Variants in ABCG8 observed in about 807,000 individuals in gnomAD.
The protein encoded by ABCG8 is ATP binding cassette subfamily G member 8.
In ABCG8, 81 loss-of-function variants were observed where a neutral mutation model predicts 71.3. The observed-to-expected ratio is 1.14, with a 90% confidence interval of 0.95 to 1.37. The LOEUF is 1.37. Ranked by LOEUF, ABCG8 falls within the 40% of genes most tolerant of loss-of-function variation. The pLI, the probability that ABCG8 is intolerant of heterozygous loss-of-function variation, is 0.00. For synonymous variants in ABCG8, 451 were observed against 354.7 expected, an observed-to-expected ratio of 1.27 and a Z score of -3.05; for missense variants, 1,119 against 866.2, an observed-to-expected ratio of 1.29 and a Z score of -3.66.
rs578014478 is a variant in ABCG8, at chr2:43,853,670, C to T, written c.964+802C>T. Among the ~76,000 whole-genome samples the T allele has an allele frequency of 1.1e-4, 17 of 152,318 alleles. No individual in the cohort carries two copies. The South Asian group carries it at 3.3e-3, about 30-fold the overall frequency. On this transcript the variant is annotated intron_variant, in intron 6 of 12. Transcript: ENST00000272286. ...ACATGGGGCCCAAACATGCCAGGCT[C>T]AAAGGGTCTCCTGTTTGACTCTCAA...
rs759590300 is a variant in ABCG8 at position 43,874,400 on chromosome 2, T to A, written c.1412-7T>A. On this transcript the variant is annotated splice_polypyrimidine_tract_variant and splice_region_variant and intron_variant, in intron 9 of 12. Coordinates refer to ENST00000272286, the MANE Select transcript of ABCG8 (RefSeq NM_022437.3). ...TTCATTCTCTTTTCCTTTCCCTTAC[T>A]TTTTAGGTTACTCAGAGAGGGCAAT... 5.0e-6 allele frequency: 8 copies of A among 1,600,572 alleles called. No homozygotes were observed. In the African/African-American group the frequency reaches 9.4e-5, roughly 19 times the overall value.
chr2:43,877,537 A>G lies in ABCG8; in HGVS notation c.1757-24A>G, dbSNP rs760713504. The G allele has an allele frequency of 5.6e-6, 9 of 1,613,062 alleles. No individual in the cohort carries two copies. The African/African-American group carries it at 9.4e-5, about 17-fold the overall frequency. ...CATGAGAATATGAGGGACACCTGTG[A>G]GTAACGCGGCTGTCTGTCTCCAGTG... is the stretch of plus-strand genomic sequence containing the variant. On this transcript the variant is annotated intron_variant, in intron 11 of 12. Transcript: ENST00000272286.
chr2:43,855,669 T>A (rs1477417085), intron 6 of ABCG8, among the ~76,000 whole-genome samples: 1 of 151,956 alleles, frequency 6.6e-6, no homozygotes, highest in African/African-American at 2.4e-5. Flanking sequence ...AGGATAGAAC[T>A]CTCACTGTCT....
Position 43,851,635 on chromosome 2 carries a change from G to A in ABCG8, c.374G>A (p.Gly125Asp). Reference protein sequence around the residue: ...LDVITGRGHGGKIKSGQIWIN... With the variant: ...LDVITGRGHGDKIKSGQIWIN... ...GTGATCACTGGCCGAGGTCACGGCG[G>A]CAAGATCAAGTCAGGCCAGATCTGG... The change falls in exon 4 of 13, where the codon GGC becomes GAC. Residue 125 changes from glycine to aspartate, a missense_variant. Gly to Asp is a moderately conservative substitution (Grantham distance 94, BLOSUM62 -1). Coordinates refer to ENST00000272286, the MANE Select transcript of ABCG8 (RefSeq NM_022437.3). 6.2e-7 allele frequency: 1 copy of A among 1,614,236 alleles called. No homozygotes were observed. The highest frequency in any genetic ancestry group is 1.1e-5 in the South Asian group (1 of 91,088).
At chr2:43,873,332 G>A (rs933624433) in intron 8 of ABCG8, among the ~76,000 whole-genome samples, 3 of 151,918 alleles carry the variant, frequency 2.0e-5, no homozygotes, top group Admixed American at 6.6e-5. Flanking sequence ...GGGATTACAG[G>A]TGTGTGCCAC....
At chr2:43,847,006 A>ACACACACACG (rs796715193) in intron 3 of ABCG8, 1 of 153,934 alleles carries the variant, frequency 6.5e-6, no homozygotes, top group African/African-American at 2.4e-5. Context: ...ACACACACAC[A>ACACACACACG]CACACACACA....
chr2:43,869,449 A>G (rs1454852990), intron 6 of ABCG8, among the ~76,000 whole-genome samples: 1 of 151,388 alleles, frequency 6.6e-6, no homozygotes, highest in Non-Finnish European at 1.5e-5. Context: ...AACTCTCACT[A>G]TCTATCTGGA....
chr2:43,877,598 G>A lies in ABCG8; in HGVS notation c.1794G>A (p.Trp598Ter). ...AWISKVSFLR[W>*]CFEGLMKIQF... ...TTTCCAAAGTGTCCTTCCTGCGGTG[G>A]TGTTTTGAAGGGCTGATGAAGATTC... The change falls in exon 12 of 13, where the codon TGG becomes TGA. Residue 598 changes from tryptophan to a stop codon, truncating the protein, a stop_gained. Coordinates refer to ENST00000272286, the MANE Select transcript of ABCG8 (RefSeq NM_022437.3). LOFTEE classifies it high-confidence loss of function. 2 of 1,614,134 alleles carry A rather than the reference G, an allele frequency of 1.2e-6. No individual in the cohort carries two copies. Among genetic ancestry groups the A allele is most frequent in the Non-Finnish European group, 1.7e-6 (2 of 1,180,012 alleles).
chr2:43,846,045 A>G, intron 2 of ABCG8, 110 bp from the exon 3 acceptor site: 3 of 1,155,176 alleles, frequency 2.6e-6, no homozygotes, highest in Non-Finnish European at 3.9e-6. Flanking sequence ...AGGTGAGGAC[A>G]TATCCTCTGT....
intron 11 of ABCG8, 39 bp downstream of exon 11, chr2:43,875,452 G>C: frequency 1.9e-6 from 3 of 1,598,006 alleles, no homozygotes; most frequent in Non-Finnish European, 1.7e-6. Context: ...GCTTTGTTAG[G>C]ACTCATGTGA....
chr2:43,874,456 C>A lies in ABCG8; in HGVS notation c.1461C>A (p.Tyr487Ter). ...MLYYELEDGLYTTGPYFFAKI... is the reference protein window; with the variant it reads ...MLYYELEDGL ...ACTATGAACTGGAAGACGGGCTGTA[C>A]ACCACTGGTCCATATTTCTTTGCCA... The change falls in exon 10 of 13, where the codon TAC becomes TAA. Residue 487 changes from tyrosine to a stop codon, truncating the protein, a stop_gained. Transcript: ENST00000272286. LOFTEE classifies it high-confidence loss of function. 1 of 1,613,850 alleles carries A rather than the reference C, an allele frequency of 6.2e-7. No individual in the cohort carries two copies. Among genetic ancestry groups the A allele is most frequent in the Non-Finnish European group, 8.5e-7 (1 of 1,179,842 alleles).
chr2:43,880,043 T>C lies in ABCG8; in HGVS notation c.*2130T>C, dbSNP rs1670086923. 6.6e-6 allele frequency: 1 copy of C among 152,324 alleles called. No homozygotes were observed. Among genetic ancestry groups the C allele is most frequent in the African/African-American group, 2.4e-5 (1 of 41,568 alleles). The allele number at this position is 152,324 out of a possible 1,614,324, so 9.4% of individuals were successfully genotyped here. A position where few individuals can be genotyped will look rare whatever the true frequency, so the allele number is the denominator to read the frequency against. On this transcript the variant is annotated 3_prime_UTR_variant, in exon 13 of 13. Transcript: ENST00000272286. The stretch of plus-strand genomic sequence containing the variant: ...CCTTACAACCCTTTATTATTGTGAT[T>C]AATTCTGATGCTCAGCTTGTCCCTG...
rs370573461 is a variant in ABCG8 at position 43,846,252 on chromosome 2, T to C, written c.263T>C (p.Ile88Thr). Reference sequence around the variant, plus strand: ...TGCCAGAATTCTTGTGAGCTGGGCATCCAGAACCTAAGCTTCAAAGTGAGA... The same window carrying C: ...TGCCAGAATTCTTGTGAGCTGGGCACCCAGAACCTAAGCTTCAAAGTGAGA... ...PSCQNSCELG[I>T]QNLSFKVRSG... The change falls in exon 3 of 13, where the codon ATC becomes ACC. Residue 88 changes from isoleucine to threonine, a missense_variant. Ile to Thr is a moderately conservative substitution (Grantham distance 89). Transcript: ENST00000272286. The C allele has an allele frequency of 1.3e-5, 21 of 1,614,022 alleles. No individual in the cohort carries two copies. Among genetic ancestry groups the C allele is most frequent in the African/African-American group, 2.7e-5 (2 of 74,900 alleles).
intron 3 of ABCG8, among the ~76,000 whole-genome samples, chr2:43,849,601 G>A (rs1668852000): frequency 6.6e-6 from 1 of 152,088 alleles, no homozygotes; most frequent in African/African-American, 2.4e-5. Flanking sequence ...GATGCCACAG[G>A]CATCCTCCAT....
intron 11 of ABCG8, among the ~76,000 whole-genome samples, chr2:43,876,330 C>T (rs577542671): frequency 2.6e-5 from 4 of 152,334 alleles, no homozygotes; most frequent in East Asian, 3.9e-4. Context: ...AGAACTTGGG[C>T]CAGAGCCACC....
At chr2:43,871,778 G>T (rs1035059823) in intron 6 of ABCG8, among the ~76,000 whole-genome samples, 198 bp from the exon 7 acceptor site, 1 of 152,196 alleles carries the variant, frequency 6.6e-6, no homozygotes, top group African/African-American at 2.4e-5. Flanking sequence ...GTCAGGCCTG[G>T]CAGGGTGAAG....
chr2:43,871,154 C>T (rs937896588), intron 6 of ABCG8, among the ~76,000 whole-genome samples: 1 of 147,954 alleles, frequency 6.8e-6, no homozygotes, highest in East Asian at 1.9e-4. Context: ...CTGGATAGAA[C>T]TGTCACTATC....
chr2:43,869,763 A>T (rs551688281), intron 6 of ABCG8, among the ~76,000 whole-genome samples: 1 of 152,136 alleles, frequency 6.6e-6, no homozygotes, highest in East Asian at 1.9e-4. Context: ...ATCTGTCTGG[A>T]TAGAATTCTT....
intron 1 of ABCG8, among the ~76,000 whole-genome samples, chr2:43,840,420 G>A (rs1016320849): frequency 3.9e-5 from 6 of 152,194 alleles, no homozygotes; most frequent in Non-Finnish European, 8.8e-5. Flanking sequence ...ACCACAGCTT[G>A]AGAGGCAAAG....
Sources: gnomAD v4.1 joint callset for allele counts (sites outside exome capture counted in the v4.1 genomes callset) on GRCh38, gnomAD v4.1.1 for gene constraint, MANE v1.5 for transcripts, NCBI Gene and HGNC (gene_info 2026-07-23, HGNC 2026-07-21) for gene names.